SEC24A: variants seen among roughly 807,000 people sequenced by gnomAD.
SEC24A encodes the protein SEC24 homolog A, COPII component, also known as protein transport protein Sec24A.
In SEC24A, 93 loss-of-function variants were observed where a neutral mutation model predicts 129.4. The ratio of observed to expected loss-of-function variants is 0.72; its 90% CI spans 0.61 to 0.85. The LOEUF (loss-of-function observed/expected upper bound fraction) is 0.85, where lower values mean the gene tolerates loss of function less well. Among genes scored for constraint, SEC24A ranks in the 40% least tolerant of loss-of-function variants. The pLI is 0.00. For missense variants in SEC24A, 1,264 were observed against 1,307.4 expected (o/e 0.97, Z 0.51); for synonymous variants, 460 against 467.3 (o/e 0.98, Z 0.20).
chr5:134,670,754 C>T (rs1750826728), intron 3 of SEC24A, among the ~76,000 whole-genome samples: 1 of 152,124 alleles, frequency 6.6e-6, no homozygotes, highest in South Asian at 2.1e-4. Flanking sequence ...CTTTGGGAGG[C>T]CAAGGCACGC....
chr5:134,683,170 G>A (rs1281245054), intron 9 of SEC24A, among the ~76,000 whole-genome samples: 3 of 152,102 alleles, frequency 2.0e-5, no homozygotes, highest in South Asian at 2.1e-4. Flanking sequence ...TTATAGGCGC[G>A]AGCCAACACC....
chr5:134,679,782 A>T, intron 8 of SEC24A, 54 bp downstream of exon 8: 11 of 1,415,696 alleles, frequency 7.8e-6, no homozygotes, highest in Non-Finnish European at 9.5e-6. Flanking sequence ...TTGTAGGGAA[A>T]TCAGATGATA....
intron 18 of SEC24A, 108 bp from the exon 19 acceptor site, chr5:134,714,916 T>C: frequency 8.8e-7 from 1 of 1,142,442 alleles, no homozygotes. Flanking sequence ...TAACAGTAAA[T>C]TTGTGAATTC....
chr5:134,660,583 T>C (rs1282372045), intron 1 of SEC24A, among the ~76,000 whole-genome samples: 1 of 151,804 alleles, frequency 6.6e-6, no homozygotes, highest in East Asian at 1.9e-4. Context: ...ATCTTTTTTT[T>C]TTTTTTTTGT....
chr5:134,658,480 A>G (rs1403380681), intron 1 of SEC24A, among the ~76,000 whole-genome samples: 1 of 152,114 alleles, frequency 6.6e-6, no homozygotes, highest in African/African-American at 2.4e-5. Flanking sequence ...AGCTCACTGA[A>G]GTCAAACTCC....
At chr5:134,673,537 C>G (rs1330686205) in intron 4 of SEC24A, among the ~76,000 whole-genome samples, 1 of 151,906 alleles carries the variant, frequency 6.6e-6, no homozygotes, top group Non-Finnish European at 1.5e-5. Context: ...AATCTCGGCT[C>G]ACCTCCACCT....
At chr5:134,664,138 A>G (rs1750569405) in intron 2 of SEC24A, among the ~76,000 whole-genome samples, 1 of 152,128 alleles carries the variant, frequency 6.6e-6, no homozygotes, top group African/African-American at 2.4e-5. Flanking sequence ...AACTTATGAA[A>G]GAAGGGGAAA....
At chr5:134,650,778 T>C (rs1248425016) in intron 1 of SEC24A, among the ~76,000 whole-genome samples, 2 of 151,962 alleles carry the variant, frequency 1.3e-5, no homozygotes, top group Non-Finnish European at 2.9e-5. Flanking sequence ...TGTTTGTTTG[T>C]TTGTTTGTTT....
At chr5:134,703,604 A>G (rs572707057) in intron 15 of SEC24A, among the ~76,000 whole-genome samples, 155 bp from the exon 16 acceptor site, 4 of 152,294 alleles carry the variant, frequency 2.6e-5, no homozygotes, top group South Asian at 4.1e-4. Flanking sequence ...CCCCACCTTC[A>G]TTTCAAAAGC....
At chr5:134,673,039 G>A (rs1750924859) in intron 4 of SEC24A, among the ~76,000 whole-genome samples, 1 of 146,596 alleles carries the variant, frequency 6.8e-6, no homozygotes, top group Admixed American at 7.4e-5. Context: ...CATCTCACAC[G>A]GCCCATTTAG....
rs938085608 is a variant in SEC24A at position 134,725,212 on chromosome 5, T to A, written c.*118T>A. 10 of 602,880 alleles carry A rather than the reference T, an allele frequency of 1.7e-5. No homozygotes were observed. The highest frequency in any genetic ancestry group is 4.3e-4 in the Middle Eastern group (1 of 2,300). The allele number at this position is 602,880 out of a possible 1,614,324, so 37.3% of individuals were successfully genotyped here. A position where few individuals can be genotyped will look rare whatever the true frequency, so the allele number is the denominator to read the frequency against. ...TGGACTAATGTGATGATTGAGATGT[T>A]CTCACTGTGATTTCAACAACCTATA... On this transcript the variant is annotated 3_prime_UTR_variant, in exon 23 of 23. Coordinates refer to ENST00000398844, the MANE Select transcript of SEC24A (RefSeq NM_021982.3).
intron 15 of SEC24A, among the ~76,000 whole-genome samples, chr5:134,701,523 T>G (rs1038764515): frequency 6.6e-6 from 1 of 152,064 alleles, no homozygotes; most frequent in Non-Finnish European, 1.5e-5. Context: ...CTTTTTTTTT[T>G]TTTTTGAGAC....
Position 134,688,667 on chromosome 5 carries a change from T to TTTTATTTATTTA in SEC24A, c.1723+387_1723+398dup, listed in dbSNP as rs149900252. On this transcript the variant is annotated intron_variant, in intron 11 of 22. Coordinates refer to ENST00000398844, the MANE Select transcript of SEC24A (RefSeq NM_021982.3). The stretch of plus-strand genomic sequence containing the variant: ...AAGCCTAGCATATATAGTCAATTGA[T>TTTTATTTATTTA]TTTATTTATTTATTTATTTATTTAT... Among the ~76,000 whole-genome samples the TTTTATTTATTTA allele has an allele frequency of 2.7e-3, 409 of 151,084 alleles. 2 individuals are homozygous for TTTTATTTATTTA. The highest frequency in any genetic ancestry group is 8.6e-3 in the African/African-American group (353 of 40,864).
Position 134,676,055 on chromosome 5 carries a change from A to T in SEC24A, c.1184A>T (p.Gln395Leu). ...CGATGCACGCTGACTAGCATTCCTC[A>T]GACGCAGGCCTTATTGAATAAAGCC... The part of the protein sequence containing the change: ...LFRCTLTSIP[Q>L]TQALLNKAKL... The change falls in exon 7 of 23, where the codon CAG becomes CTG. Residue 395 changes from glutamine (Q) to leucine (L), a missense_variant. Gln to Leu is a moderately radical substitution (Grantham distance 113). Coordinates refer to ENST00000398844, the MANE Select transcript of SEC24A (RefSeq NM_021982.3). 1 of 1,612,824 alleles carries T rather than the reference A, an allele frequency of 6.2e-7. No homozygotes were observed. Among genetic ancestry groups the T allele is most frequent in the African/African-American group, 1.3e-5 (1 of 74,898 alleles).
chr5:134,712,867 C>T (rs1274189784), intron 18 of SEC24A, among the ~76,000 whole-genome samples: 3 of 151,168 alleles, frequency 2.0e-5, no homozygotes, highest in Admixed American at 2.0e-4. Flanking sequence ...ATCCGCCCAC[C>T]TCAGCCTCCC....
intron 17 of SEC24A, among the ~76,000 whole-genome samples, chr5:134,708,143 A>C (rs574980754): frequency 1.1e-4 from 17 of 152,066 alleles, no homozygotes; most frequent in Non-Finnish European, 1.8e-4. Context: ...TAAATTAATA[A>C]ATAACTCTAA....
At chr5:134,673,375 T>C (rs1750943886) in intron 4 of SEC24A, among the ~76,000 whole-genome samples, 1 of 151,946 alleles carries the variant, frequency 6.6e-6, no homozygotes, top group Non-Finnish European at 1.5e-5. Context: ...ATTAAAGTTG[T>C]TTTGAATTAA....
intron 2 of SEC24A, among the ~76,000 whole-genome samples, chr5:134,662,983 G>C (rs1409794333): frequency 2.0e-5 from 3 of 152,046 alleles, no homozygotes; most frequent in Non-Finnish European, 4.4e-5. Flanking sequence ...AGGTGACAGA[G>C]TGAGACTTGG....
chr5:134,716,018 TAAAGAA>T (rs1752467204), intron 19 of SEC24A, among the ~76,000 whole-genome samples: 1 of 152,150 alleles, frequency 6.6e-6, no homozygotes, highest in Non-Finnish European at 1.5e-5. Context: ...GTCCTTGAAT[TAAAGAA>T]AAAATACTTC....
Sources: gnomAD v4.1 joint callset for allele counts (sites outside exome capture counted in the v4.1 genomes callset) on GRCh38, gnomAD v4.1.1 for gene constraint, MANE v1.5 for transcripts, NCBI Gene and HGNC (gene_info 2026-07-23, HGNC 2026-07-21) for gene names.